The following GDI2 variants were observed in gnomAD, a reference collection of about 807,000 sequenced individuals.
GDI2 encodes GDP dissociation inhibitor 2.
In GDI2, 22 loss-of-function variants were observed where a neutral mutation model predicts 54.2. The observed-to-expected ratio is 0.41, with a 90% CI of 0.29 to 0.58. GDI2 has a LOEUF of 0.58. Ranked by LOEUF, GDI2 falls within the 20% of genes least tolerant of loss-of-function variation. The pLI is 0.35. For missense variants in GDI2, 422 were observed against 546.0 expected (o/e 0.77, Z 2.26); for synonymous variants, 177 against 182.1 (o/e 0.97, Z 0.23).
chr10:5,800,521 C>T, intron 2 of GDI2, 77 bp downstream of exon 2: 1 of 793,706 alleles, frequency 1.3e-6, no homozygotes, highest in Non-Finnish European at 2.3e-6. Flanking sequence ...AAGACCATCT[C>T]TAAGGAATAA....
chr10:5,798,450 G>A (rs1841194956), intron 2 of GDI2, among the ~76,000 whole-genome samples: 4 of 151,818 alleles, frequency 2.6e-5, no homozygotes, highest in Admixed American at 2.6e-4. Flanking sequence ...TTAGCCAGAC[G>A]TGATGATGTA....
intron 2 of GDI2, among the ~76,000 whole-genome samples, chr10:5,797,184 G>A (rs1316397187): frequency 6.6e-6 from 1 of 152,132 alleles, no homozygotes; most frequent in Admixed American, 6.6e-5. Flanking sequence ...CATGAGGCGG[G>A]TGGATCCCTT....
In GDI2 at chr10:5,795,002, G is replaced by A; in HGVS notation, c.271C>T (p.Leu91=). The change falls in exon 4 of 11, where the codon CTG becomes TTG. Residue 91 remains leucine, a synonymous_variant. Transcript: ENST00000380191. ...LMANGQLVKM[L]LYTEVTRYLD... is the part of the protein sequence containing the mutation. ...TAGCGAGTTACCTCTGTATAAAGCAGCATCTTAACCAGCTGACCTAGAAAA... is the reference window on the plus strand; with the variant it reads ...TAGCGAGTTACCTCTGTATAAAGCAACATCTTAACCAGCTGACCTAGAAAA... 1.3e-6 allele frequency: 2 copies of A among 1,589,304 alleles called. No individual in the cohort carries two copies. Among genetic ancestry groups the A allele is most frequent in the Non-Finnish European group, 1.7e-6 (2 of 1,157,808 alleles).
chr10:5,776,777 C>T lies in GDI2; in HGVS notation c.720-2836G>A, dbSNP rs969286113. 7.2e-6 allele frequency: 11 copies of T among 1,537,872 alleles called. No homozygotes were observed. In the African/African-American group the frequency reaches 1.5e-4, roughly 21 times the overall value. ...CAGGAAAGCCAAGGACATTCCAATC[C>T]CCAATCTTCCTCCCTTGGATTTTCC... On this transcript the variant is annotated intron_variant, in intron 6 of 10. Transcript: ENST00000380191. This position sits in a 1 kb window ranked among gnomAD's most constrained non-coding sequence, Gnocchi z 5.3.
At chr10:5,812,775 G>A (rs1302397899) in intron 1 of GDI2, among the ~76,000 whole-genome samples, 1 of 152,212 alleles carries the variant, frequency 6.6e-6, no homozygotes, top group Non-Finnish European at 1.5e-5. Context: ...GACTGACCCG[G>A]GGCAGCGGCC....
Position 5,794,189 on chromosome 10 carries a change from ATATATATATATATATATATATAT to A in GDI2, c.388+673_388+695del, listed in dbSNP as rs1280573033. Among the ~76,000 whole-genome samples the A allele has an allele frequency of 5.0e-4, 17 of 33,962 alleles. 1 individual carries two copies. The highest frequency in any genetic ancestry group is 1.6e-3 in the South Asian group (1 of 622). The allele number at this position is 33,962 out of a possible 152,430, so 22.3% of individuals were successfully genotyped here. A position where few individuals can be genotyped will look rare whatever the true frequency, so the allele number is the denominator to read the frequency against. Reference sequence around the variant, plus strand: ...CTTTAAAAGAAAAAAAAAAAAAAAAATATATATATATATATATATATATATATATATATATATATATATAAAAC... The same window carrying A: ...CTTTAAAAGAAAAAAAAAAAAAAAAAATATATATATATATATATATAAAAC... On this transcript the variant is annotated intron_variant, in intron 4 of 10. Coordinates refer to ENST00000380191, the MANE Select transcript of GDI2 (RefSeq NM_001494.4).
At chr10:5,788,614 T>C (rs1840930445) in intron 4 of GDI2, among the ~76,000 whole-genome samples, 1 of 152,024 alleles carries the variant, frequency 6.6e-6, no homozygotes, top group South Asian at 2.1e-4. Flanking sequence ...TGAAAAAAAA[T>C]CTCATGTTTT....
At chr10:5,806,802 G>C (rs538741352) in intron 1 of GDI2, among the ~76,000 whole-genome samples, 1 of 152,316 alleles carries the variant, frequency 6.6e-6, no homozygotes, top group Admixed American at 6.5e-5. Context: ...TGACACAGCA[G>C]AGGAAGACAG....
At chr10:5,786,532 C>A (rs1470065682) in intron 4 of GDI2, among the ~76,000 whole-genome samples, 2 of 152,134 alleles carry the variant, frequency 1.3e-5, no homozygotes, top group Admixed American at 6.6e-5. Flanking sequence ...ACACCTTAAA[C>A]TGACACGATT....
rs533711764 is a variant in GDI2, at chr10:5,812,103, A to C, written c.45+1111T>G. ...CAAGATTTACATCAGTATTCATCTT[A>C]ATTATGATCAAGCAGCCCAAAGTTA... On this transcript the variant is annotated intron_variant, in intron 1 of 10. Coordinates refer to ENST00000380191, the MANE Select transcript of GDI2 (RefSeq NM_001494.4). The C allele has an allele frequency of 1.2e-3, 201 of 170,960 alleles. 3 individuals carry two copies. The South Asian group carries it at 0.014, about 12-fold the overall frequency. 10.6% of individuals were successfully genotyped at this position (170,960 alleles called of 1,614,324 possible).
In GDI2 at chr10:5,813,263, G is replaced by A. The variant is rs1841514922; in HGVS notation, c.-5C>T. The A allele has an allele frequency of 1.3e-6, 2 of 1,573,806 alleles. No individual in the cohort carries two copies. The highest frequency in any genetic ancestry group is 1.7e-6 in the Non-Finnish European group (2 of 1,162,802). ...CACGTCGTACTCCTCATTCATGGCG[G>A]GGCAGGCGCGGACGCAGGACCCGAG... On this transcript the variant is annotated 5_prime_UTR_variant, in exon 1 of 11. Coordinates refer to ENST00000380191, the MANE Select transcript of GDI2 (RefSeq NM_001494.4).
intron 2 of GDI2, among the ~76,000 whole-genome samples, chr10:5,798,970 T>C (rs767445047): frequency 5.3e-5 from 8 of 150,620 alleles, no homozygotes; most frequent in Non-Finnish European, 8.9e-5. Flanking sequence ...CAAGACTGTC[T>C]CAAAAAAATA....
intron 2 of GDI2, 53 bp from the exon 3 acceptor site, chr10:5,796,915 T>C (rs1351567903): frequency 1.2e-6 from 1 of 814,238 alleles, no homozygotes; most frequent in Admixed American, 2.0e-5. Context: ...AATTTTTTAT[T>C]ACAATATGTA....
intron 1 of GDI2, among the ~76,000 whole-genome samples, chr10:5,809,215 A>G (rs1319883507): frequency 1.3e-5 from 2 of 148,756 alleles, no homozygotes; most frequent in Non-Finnish European, 3.0e-5. Context: ...ACTGTACTCC[A>G]GCCTGGGCAA....
At chr10:5,777,614 T>C (rs1375730680) in intron 6 of GDI2, among the ~76,000 whole-genome samples, 2 of 152,156 alleles carry the variant, frequency 1.3e-5, no homozygotes, top group East Asian at 1.9e-4. Flanking sequence ...GGAATGGTGA[T>C]CGTTAAAAAG....
chr10:5,808,440 GAGGC>G (rs1456798475), intron 1 of GDI2, among the ~76,000 whole-genome samples: 1 of 151,908 alleles, frequency 6.6e-6, no homozygotes, highest in East Asian at 1.9e-4. Context: ...TTGGGAGGCT[GAGGC>G]AGGCAGATCA....
Position 5,766,029 on chromosome 10 carries a change from T to A in GDI2, c.1315A>T (p.Asn439Tyr). ...FDFEEMKRKK[N>Y]DIYGED is the part of the protein sequence containing the mutation. The stretch of plus-strand genomic sequence containing the variant: ...TGTTAGTCTTCCCCATAGATGTCAT[T>A]CTTCTTGCGCTTCATTTCCTCAAAG... Residue 439 changes from asparagine (N) to tyrosine (Y), a missense_variant, in exon 11 of 11, where the codon AAT (asparagine) becomes TAT (tyrosine). Physicochemically the swap from Asn to Tyr is moderately radical, Grantham distance 143. Transcript: ENST00000380191. This position sits in a 1 kb window ranked among gnomAD's most constrained non-coding sequence, Gnocchi z 5.8. The A allele has an allele frequency of 6.3e-7, 1 of 1,586,006 alleles. No individual in the cohort carries two copies. Among genetic ancestry groups the A allele is most frequent in the Non-Finnish European group, 8.5e-7 (1 of 1,172,328 alleles).
chr10:5,773,768 C>G (rs900434000), intron 7 of GDI2, 74 bp downstream of exon 7: 1 of 745,658 alleles, frequency 1.3e-6, no homozygotes, highest in African/African-American at 1.8e-5. Flanking sequence ...GTGTCCACAC[C>G]AAAATCAATA....
intron 1 of GDI2, among the ~76,000 whole-genome samples, chr10:5,812,577 CTCAG>C (rs143078502): frequency 0.048 from 7,239 of 152,238 alleles, 655 homozygotes; most frequent in East Asian, 0.41. Context: ...TCTACAGATG[CTCAG>C]TAAGTGAGAA....
Sources: gnomAD v4.1 joint callset for allele counts (sites outside exome capture counted in the v4.1 genomes callset) on GRCh38, gnomAD v4.1.1 for gene constraint, Gnocchi (gnomAD v3.1) non-coding constraint, MANE v1.5 for transcripts, NCBI Gene and HGNC (gene_info 2026-07-23, HGNC 2026-07-21) for gene names.